Variants in ITGA2 observed in about 807,000 individuals in gnomAD.
The protein encoded by ITGA2 is integrin subunit alpha 2, also known as integrin alpha-2.
Under a neutral mutation model 146.3 loss-of-function variants are expected in ITGA2, and 101 were observed. The ratio of observed to expected loss-of-function variants is 0.69; its 90% CI spans 0.59 to 0.81. ITGA2 has a LOEUF of 0.81. Ranked by LOEUF, ITGA2 falls within the 40% of genes least tolerant of loss-of-function variation. ITGA2 has a pLI of 0.00. For synonymous variants in ITGA2, 477 were observed against 487.1 expected, an observed-to-expected ratio of 0.98 and a Z score of 0.27; for missense variants, 1,281 against 1,402.7, an observed-to-expected ratio of 0.91 and a Z score of 1.39.
intron 1 of ITGA2, among the ~76,000 whole-genome samples, chr5:53,009,268 A>G (rs1049503817): frequency 6.6e-6 from 1 of 152,118 alleles, no homozygotes; most frequent in Non-Finnish European, 1.5e-5. Context: ...ATATGTCTCT[A>G]TTCTAATCCC....
At chr5:53,031,944 C>T (rs1361542025) in intron 2 of ITGA2, among the ~76,000 whole-genome samples, 5 of 152,156 alleles carry the variant, frequency 3.3e-5, no homozygotes, top group African/African-American at 1.2e-4. Context: ...GTGATATGCA[C>T]TCTTTCTGTT....
chr5:53,090,778 AGGTGCGGGGGGC>A lies in ITGA2; in HGVS notation c.*180_*191del. 3.0e-5 allele frequency: 4 copies of A among 131,616 alleles called. No individual in the cohort carries two copies. Among genetic ancestry groups the A allele is most frequent in the Admixed American group, 1.5e-4 (1 of 6,632 alleles). 8.2% of individuals were successfully genotyped at this position (131,616 alleles called of 1,614,324 possible). A position where few individuals can be genotyped will look rare whatever the true frequency, so the allele number is the denominator to read the frequency against. On this transcript the variant is annotated 3_prime_UTR_variant, in exon 30 of 30. Transcript: ENST00000296585. ...ATGAAGAAATTGTGGGGGGTGGGGGAGGTGCGGGGGGCAGGTAGGGAAATAATAGGGAAAATA... is the reference window on the plus strand; with the variant it reads ...ATGAAGAAATTGTGGGGGGTGGGGGAAGGTAGGGAAATAATAGGGAAAATA...
In ITGA2 at chr5:53,048,748, A is replaced by G. The variant is rs369265963; in HGVS notation, c.608A>G (p.Asp203Gly). ...TTGGAAAAATTTGTACAAGGCCTGG[A>G]TATAGGCCCCACAAAGACACAGGTA... is the stretch of plus-strand genomic sequence containing the variant. Reference protein sequence around the residue: ...NFLEKFVQGLDIGPTKTQVGL... With the variant: ...NFLEKFVQGLGIGPTKTQVGL... Residue 203 changes from aspartate to glycine, a missense_variant, in exon 6 of 30, where the codon GAT becomes GGT. This residue lies in a region of ITGA2 where 795 missense variants were observed against 841.7 expected (regional missense o/e 0.94). Transcript: ENST00000296585. The G allele has an allele frequency of 6.2e-7, 1 of 1,613,906 alleles. No individual in the cohort carries two copies. The highest frequency in any genetic ancestry group is 8.5e-7 in the Non-Finnish European group (1 of 1,179,908).
chr5:53,033,583 TTTAATTAAA>T (rs1361444302), intron 2 of ITGA2, among the ~76,000 whole-genome samples: 1 of 152,000 alleles, frequency 6.6e-6, no homozygotes, highest in Non-Finnish European at 1.5e-5. Context: ...TTATATCTTA[TTTAATTAAA>T]TTAATTAATT....
At chr5:53,047,070 C>T (rs1461839730) in intron 4 of ITGA2, among the ~76,000 whole-genome samples, 1 of 152,094 alleles carries the variant, frequency 6.6e-6, no homozygotes, top group Non-Finnish European at 1.5e-5. Flanking sequence ...AATTAATTGG[C>T]AAAATAAATC....
chr5:53,080,468 G>A, intron 24 of ITGA2, 43 bp from the exon 25 acceptor site: 1 of 1,477,404 alleles, frequency 6.8e-7, no homozygotes, highest in Non-Finnish European at 9.5e-7. Flanking sequence ...CTTGCATCAT[G>A]TACATCCTGT....
rs1224207543 is a variant in ITGA2, at chr5:53,056,125, G to A, written c.1072G>A (p.Gly358Arg). 4 of 1,611,602 alleles carry A rather than the reference G, an allele frequency of 2.5e-6. No homozygotes were observed. The highest frequency in any genetic ancestry group is 2.5e-6 in the Non-Finnish European group (3 of 1,178,686). ...AALLEKAGTL[G>R]EQIFSIEGTV... ...TCTACTAGAAAAGGCTGGGACATTA[G>A]GAGAACAAATTTTCAGCATTGAAGG... The change falls in exon 9 of 30, where the codon GGA becomes AGA. Residue 358 changes from glycine to arginine, a missense_variant. Physicochemically the swap from Gly to Arg is moderately radical, Grantham distance 125. This residue lies in a region of ITGA2 where 795 missense variants were observed against 841.7 expected (regional missense o/e 0.94). Transcript: ENST00000296585.
intron 26 of ITGA2, 33 bp from the exon 27 acceptor site, chr5:53,083,307 C>A: frequency 1.5e-6 from 2 of 1,319,392 alleles, no homozygotes; most frequent in Non-Finnish European, 2.2e-6. Context: ...TACTAACTTG[C>A]TCTCTCTTTT....
intron 16 of ITGA2, among the ~76,000 whole-genome samples, chr5:53,068,679 T>A (rs1194962146): frequency 6.6e-6 from 1 of 151,852 alleles, no homozygotes; most frequent in Non-Finnish European, 1.5e-5. Context: ...CCAAGTGAAA[T>A]GATTGTGAGC....
Position 53,090,046 on chromosome 5 carries a change from T to C in ITGA2, c.3449T>C (p.Val1150Ala). The change falls in exon 29 of 30, where the codon GTT becomes GCT. Residue 1150 changes from valine to alanine, a missense_variant. Around this residue, in one of 3 missense-constraint regions of ITGA2, gnomAD observed 475 missense variants for 530.5 expected, o/e 0.90. Transcript: ENST00000296585. The part of the protein sequence containing the change: ...IAGILLLLAL[V>A]AILWKLGFFK... ...GGAATCCTTTTGCTGTTAGCTCTGGTTGCAATTTTATGGAAGGTAAGAAAA... is the reference window on the plus strand; with the variant it reads ...GGAATCCTTTTGCTGTTAGCTCTGGCTGCAATTTTATGGAAGGTAAGAAAA... 6.2e-7 allele frequency: 1 copy of C among 1,606,518 alleles called. No homozygotes were observed. Among genetic ancestry groups the C allele is most frequent in the Non-Finnish European group, 8.5e-7 (1 of 1,173,104 alleles).
intron 17 of ITGA2, among the ~76,000 whole-genome samples, chr5:53,070,830 A>C (rs1400983392): frequency 6.6e-6 from 1 of 151,950 alleles, no homozygotes; most frequent in Non-Finnish European, 1.5e-5. Context: ...AATGATGTGA[A>C]TATTTCCACC....
At chr5:53,053,656 A>G (rs1048975698) in intron 7 of ITGA2, among the ~76,000 whole-genome samples, 16 of 151,938 alleles carry the variant, frequency 1.1e-4, no homozygotes, top group Admixed American at 9.8e-4. Context: ...GCCATTGTCT[A>G]TCTCCCTCTT....
At chr5:53,011,397 A>T (rs934033534) in intron 1 of ITGA2, among the ~76,000 whole-genome samples, 1 of 152,168 alleles carries the variant, frequency 6.6e-6, no homozygotes, top group Non-Finnish European at 1.5e-5. Flanking sequence ...AATTACAGCA[A>T]TACAAACAGA....
At chr5:53,037,176 T>C (rs1355943200) in intron 2 of ITGA2, among the ~76,000 whole-genome samples, 6 of 152,212 alleles carry the variant, frequency 3.9e-5, no homozygotes, top group African/African-American at 1.4e-4. Context: ...CCACTGGAGG[T>C]AGGCAAATTG....
chr5:53,086,575 A>T (rs1235837287), intron 27 of ITGA2, among the ~76,000 whole-genome samples: 1 of 152,194 alleles, frequency 6.6e-6, no homozygotes, highest in African/African-American at 2.4e-5. Context: ...TCACAAACTT[A>T]TTTTTTAAAA....
intron 15 of ITGA2, 54 bp downstream of exon 15, chr5:53,066,031 C>A: frequency 6.6e-7 from 1 of 1,522,486 alleles, no homozygotes; most frequent in African/African-American, 1.4e-5. Flanking sequence ...GCTAAGAAAG[C>A]AGAACAGATG....
intron 1 of ITGA2, among the ~76,000 whole-genome samples, chr5:52,991,892 A>G (rs1199899353): frequency 6.6e-6 from 1 of 152,216 alleles, no homozygotes; most frequent in African/African-American, 2.4e-5. Flanking sequence ...AGAGGCCTAG[A>G]TAATCTATAA....
chr5:53,091,589 G>A lies in ITGA2; in HGVS notation c.*990G>A, dbSNP rs1740424257. 1 of 152,122 alleles carries A rather than the reference G, an allele frequency of 6.6e-6. No individual in the cohort carries two copies. The highest frequency in any genetic ancestry group is 6.6e-5 in the Admixed American group (1 of 15,262). 9.4% of individuals were successfully genotyped at this position (152,122 alleles called of 1,614,324 possible). A position where few individuals can be genotyped will look rare whatever the true frequency, so the allele number is the denominator to read the frequency against. ...ACCATTATTATAGAAGCCCTCTACA[G>A]CCTGACTTTCTCTCCAGCGGTCCAA... is the stretch of plus-strand genomic sequence containing the variant. On this transcript the variant is annotated 3_prime_UTR_variant, in exon 30 of 30. Coordinates refer to ENST00000296585, the MANE Select transcript of ITGA2 (RefSeq NM_002203.4).
chr5:53,042,264 C>T, intron 3 of ITGA2, 43 bp downstream of exon 3: 2 of 1,168,906 alleles, frequency 1.7e-6, no homozygotes, highest in South Asian at 1.2e-5. Context: ...TTGTCTTAGA[C>T]TCAACTGAAA....
Sources: gnomAD v4.1 joint callset for allele counts (sites outside exome capture counted in the v4.1 genomes callset) on GRCh38, gnomAD v4.1.1 for gene constraint, gnomAD v4.1.1 regional missense constraint, MANE v1.5 for transcripts, NCBI Gene and HGNC (gene_info 2026-07-23, HGNC 2026-07-21) for gene names.